Variants in SPAG6 observed in about 807,000 individuals in gnomAD.
SPAG6 encodes the protein sperm-associated antigen 6.
SPAG6 carries 49 observed loss-of-function variants against 58.5 expected under a neutral mutation model. The ratio of observed to expected loss-of-function variants is 0.84; its 90% CI spans 0.67 to 1.06. The LOEUF is 1.06. SPAG6 is among the 50% of genes least tolerant of loss of function. The pLI is 0.00. For missense variants in SPAG6, 560 were observed against 611.3 expected (o/e 0.92, Z 0.89); for synonymous variants, 233 against 225.6 (o/e 1.03, Z -0.29).
intron 4 of SPAG6, among the ~76,000 whole-genome samples, chr10:22,384,614 G>A (rs1014476920): frequency 5.9e-5 from 9 of 152,128 alleles, no homozygotes; most frequent in Non-Finnish European, 1.3e-4. Context: ...TATACATTTG[G>A]GGATGTAAAC....
At chr10:22,377,707 C>T (rs753851732) in intron 4 of SPAG6, among the ~76,000 whole-genome samples, 5 of 152,188 alleles carry the variant, frequency 3.3e-5, no homozygotes, top group Non-Finnish European at 5.9e-5. Flanking sequence ...CCAGGGACCA[C>T]GTTTATAAAA....
chr10:22,352,116 G>T (rs1005528828), intron 2 of SPAG6, among the ~76,000 whole-genome samples: 3 of 151,830 alleles, frequency 2.0e-5, no homozygotes, highest in Non-Finnish European at 2.9e-5. Context: ...ACCCGAGATC[G>T]CTCCACTGTG....
intron 8 of SPAG6, among the ~76,000 whole-genome samples, chr10:22,393,046 T>C (rs1031289424): frequency 1.3e-5 from 2 of 152,152 alleles, no homozygotes; most frequent in African/African-American, 4.8e-5. Context: ...GAGAGAAAGA[T>C]TAACAATGTA....
At chr10:22,370,674 AT>A (rs1833663587) in intron 4 of SPAG6, among the ~76,000 whole-genome samples, 1 of 152,266 alleles carries the variant, frequency 6.6e-6, no homozygotes. Flanking sequence ...AACTCTTGTC[AT>A]GCTTAGAATT....
intron 2 of SPAG6, among the ~76,000 whole-genome samples, chr10:22,354,788 A>T (rs58046964): frequency 0.15 from 22,253 of 152,058 alleles, 4,811 homozygotes; most frequent in African/African-American, 0.47. Flanking sequence ...GTTGGGTGGA[A>T]CACCTGAAGT....
chr10:22,381,988 G>A (rs1833968187), intron 4 of SPAG6, among the ~76,000 whole-genome samples: 1 of 152,060 alleles, frequency 6.6e-6, no homozygotes, highest in African/African-American at 2.4e-5. Flanking sequence ...CCCTTCGTTA[G>A]GAAAAAACCA....
chr10:22,353,127 A>G, intron 2 of SPAG6, among the ~76,000 whole-genome samples: 1 of 152,254 alleles, frequency 6.6e-6, no homozygotes, highest in African/African-American at 2.4e-5. Context: ...AAAATAAAAC[A>G]TTAATTCTAT....
At chr10:22,351,605 G>T (rs1355411986) in intron 2 of SPAG6, among the ~76,000 whole-genome samples, 2 of 152,164 alleles carry the variant, frequency 1.3e-5, no homozygotes, top group African/African-American at 4.8e-5. Flanking sequence ...AACATTTCTT[G>T]CTTTTTAATC....
chr10:22,345,664 A>T lies in SPAG6; in HGVS notation c.25+28A>T, dbSNP rs950283460. On this transcript the variant is annotated intron_variant, in intron 1 of 10. Coordinates refer to ENST00000376624, the MANE Select transcript of SPAG6 (RefSeq NM_012443.4). This position sits in a 1 kb window ranked among gnomAD's most constrained non-coding sequence, Gnocchi z 6.3. ...AGGGCCGAGGCGGGCAGGTGCCCTA[A>T]CTAGCTGGCGCCGAGGAGACCCGGG... 1.0e-5 allele frequency: 16 copies of T among 1,566,512 alleles called. No individual in the cohort carries two copies. Among genetic ancestry groups the T allele is most frequent in the Non-Finnish European group, 1.4e-5 (16 of 1,156,970 alleles).
At chr10:22,407,246 A>C (rs1463694518) in intron 9 of SPAG6, among the ~76,000 whole-genome samples, 2 of 150,478 alleles carry the variant, frequency 1.3e-5, no homozygotes, top group African/African-American at 2.5e-5. Context: ...TGGTCTTTAC[A>C]TTTTGGCATG....
chr10:22,406,888 G>A (rs1260652007), intron 9 of SPAG6, among the ~76,000 whole-genome samples: 1 of 151,516 alleles, frequency 6.6e-6, no homozygotes, highest in Non-Finnish European at 1.5e-5. Flanking sequence ...TTACCATTAT[G>A]TAATGGCCTT....
chr10:22,397,700 A>G (rs557836776), intron 8 of SPAG6, among the ~76,000 whole-genome samples: 1 of 152,328 alleles, frequency 6.6e-6, no homozygotes, highest in East Asian at 1.9e-4. Flanking sequence ...AACATCAAGC[A>G]TTAAATACAT....
intron 2 of SPAG6, chr10:22,361,072 A>G (rs1837022649): frequency 2.4e-6 from 1 of 417,348 alleles, no homozygotes; most frequent in South Asian, 7.7e-5. Context: ...ATTATGAAGC[A>G]CTAAGAGGCA....
intron 4 of SPAG6, among the ~76,000 whole-genome samples, chr10:22,377,043 A>T (rs1455757048): frequency 6.6e-6 from 1 of 151,522 alleles, no homozygotes; most frequent in Non-Finnish European, 1.5e-5. Context: ...GGCCTGGGTG[A>T]CAGAGTGAGA....
chr10:22,409,776 T>C (rs998577995), intron 9 of SPAG6, among the ~76,000 whole-genome samples: 3 of 152,158 alleles, frequency 2.0e-5, no homozygotes, highest in Non-Finnish European at 4.4e-5. Context: ...CTTCCTAGTC[T>C]GGTCAGTCTT....
rs1836497355 is a variant in SPAG6, at chr10:22,345,617, T to G, written c.6T>G (p.Ser2Arg). 1 of 1,534,346 alleles carries G rather than the reference T, an allele frequency of 6.5e-7. No homozygotes were observed. Among genetic ancestry groups the G allele is most frequent in the Non-Finnish European group, 8.8e-7 (1 of 1,142,176 alleles). ...CAGACGGCGGCGGGGGCGCCATGAGTCAGAGGCAGGTGCTGCAAGGTAGGG... is the reference window on the plus strand; with the variant it reads ...CAGACGGCGGCGGGGGCGCCATGAGGCAGAGGCAGGTGCTGCAAGGTAGGG... MSQRQVLQVFEQ... is the reference protein window; with the variant it reads MRQRQVLQVFEQ... Residue 2 changes from serine to arginine, a missense_variant, in exon 1 of 11, where the codon AGT becomes AGG. Coordinates refer to ENST00000376624, the MANE Select transcript of SPAG6 (RefSeq NM_012443.4). The surrounding 1 kb of genome is among the most constrained non-coding windows in gnomAD (Gnocchi z 6.3).
chr10:22,364,898 C>G lies in SPAG6; in HGVS notation c.167C>G (p.Thr56Arg). The G allele has an allele frequency of 6.2e-7, 1 of 1,613,330 alleles. No homozygotes were observed. Among genetic ancestry groups the G allele is most frequent in the Admixed American group, 1.7e-5 (1 of 59,900 alleles). ...LRTLLLDVVP[T>R]IQQTAALALG... is the part of the protein sequence containing the mutation. ...ACTCTTCTTCTGGACGTGGTCCCAA[C>G]AATTCAACAGACTGCTGCTTTGGCT... Residue 56 changes from threonine (T) to arginine (R), a missense_variant, in exon 3 of 11, where the codon ACA (threonine) becomes AGA (arginine). By Grantham distance (71) the Thr-to-Arg change is moderately conservative. Transcript: ENST00000376624.
At chr10:22,378,059 T>TC (rs1370798503) in intron 4 of SPAG6, among the ~76,000 whole-genome samples, 8 of 145,406 alleles carry the variant, frequency 5.5e-5, no homozygotes, top group Middle Eastern at 3.5e-3. Context: ...TCTTTTCTTT[T>TC]TTTTTTTTTT....
chr10:22,367,322 G>C (rs553079863), intron 3 of SPAG6, among the ~76,000 whole-genome samples: 650 of 151,924 alleles, frequency 4.3e-3, no homozygotes, highest in Non-Finnish European at 6.8e-3. Flanking sequence ...TAGAAATTTG[G>C]TTACTTATAT....
Sources: gnomAD v4.1 joint callset for allele counts (sites outside exome capture counted in the v4.1 genomes callset) on GRCh38, gnomAD v4.1.1 for gene constraint, Gnocchi (gnomAD v3.1) non-coding constraint, MANE v1.5 for transcripts, NCBI Gene and HGNC (gene_info 2026-07-23, HGNC 2026-07-21) for gene names.